The following GPD2 variants were observed in gnomAD, a reference collection of about 807,000 sequenced individuals.
GPD2 encodes glycerol-3-phosphate dehydrogenase, mitochondrial.
Under a neutral mutation model 82.4 loss-of-function variants are expected in GPD2, and 54 were observed. The observed-to-expected ratio is 0.66, with a 90% CI of 0.53 to 0.82. The LOEUF is 0.82. Ranked by LOEUF, GPD2 falls within the 40% of genes least tolerant of loss-of-function variation. GPD2 has a pLI of 0.00. For synonymous variants in GPD2, 288 were observed against 306.1 expected (o/e 0.94, Z 0.62); for missense variants, 748 against 896.2 (o/e 0.83, Z 2.11).
At chr2:156,500,679 C>T (rs1452540877) in intron 3 of GPD2, among the ~76,000 whole-genome samples, 1 of 152,092 alleles carries the variant, frequency 6.6e-6, no homozygotes, top group Non-Finnish European at 1.5e-5. Context: ...TTTGCATGAG[C>T]TTTTTGATAA....
intron 1 of GPD2, among the ~76,000 whole-genome samples, chr2:156,463,749 A>G (rs1683064991): frequency 6.6e-6 from 1 of 152,292 alleles, no homozygotes; most frequent in East Asian, 1.9e-4. Context: ...AGAATTATAT[A>G]TTTTTGGGAA....
the GPD2 span, among the ~76,000 whole-genome samples, chr2:156,400,428 C>T: frequency 6.6e-6 from 1 of 152,206 alleles, no homozygotes; most frequent in Non-Finnish European, 1.5e-5. Flanking sequence ...GCGCAATAAG[C>T]CTGGGGAGGT....
chr2:156,576,301 T>A lies in GPD2; in HGVS notation c.1768-2588T>A, dbSNP rs540652674. Reference sequence around the variant, plus strand: ...AGATCTCTGTTGCAGTGTTGTATTTTGTTCTGATAATTGTATTGTATGACA... The same window carrying A: ...AGATCTCTGTTGCAGTGTTGTATTTAGTTCTGATAATTGTATTGTATGACA... On this transcript the variant is annotated intron_variant, in intron 13 of 16. Coordinates refer to ENST00000438166, the MANE Select transcript of GPD2 (RefSeq NM_000408.5). 1.4e-4 allele frequency among the ~76,000 whole-genome samples: 21 copies of A among 152,340 alleles called. 1 individual carries two copies. In the East Asian group the frequency reaches 3.9e-3, roughly 28 times the overall value.
At chr2:156,420,232 C>A in the GPD2 span, among the ~76,000 whole-genome samples, 1 of 151,902 alleles carries the variant, frequency 6.6e-6, no homozygotes, top group African/African-American at 2.4e-5. Context: ...AATGCAGTGG[C>A]GTGATCTCGG....
chr2:156,489,178 C>G (rs1357846147), intron 2 of GPD2, among the ~76,000 whole-genome samples: 3 of 152,192 alleles, frequency 2.0e-5, no homozygotes, highest in Non-Finnish European at 4.4e-5. Context: ...GAATCCTGGA[C>G]TAACAAGAGT....
chr2:156,557,571 G>C lies in GPD2; in HGVS notation c.1154G>C (p.Cys385Ser). Residue 385 changes from cysteine to serine, a missense_variant, in exon 9 of 17, where the codon TGT becomes TCT. By Grantham distance (112) the Cys-to-Ser change is moderately radical. This residue lies in a region of GPD2 where 692 missense variants were observed against 809.7 expected (regional missense o/e 0.85). Coordinates refer to ENST00000438166, the MANE Select transcript of GPD2 (RefSeq NM_000408.5). Reference sequence around the variant, plus strand: ...AATGAAGTGCGTAATTACCTGAGTTGTGATGTTGAAGGTAACTAAGCATTC... The same window carrying C: ...AATGAAGTGCGTAATTACCTGAGTTCTGATGTTGAAGGTAACTAAGCATTC... Reference protein sequence around the residue: ...ILNEVRNYLSCDVEVRRGDVL... With the variant: ...ILNEVRNYLSSDVEVRRGDVL... 1.3e-6 allele frequency: 2 copies of C among 1,573,094 alleles called. No homozygotes were observed. Among genetic ancestry groups the C allele is most frequent in the Non-Finnish European group, 1.8e-6 (2 of 1,142,614 alleles).
intron 1 of GPD2, among the ~76,000 whole-genome samples, chr2:156,458,784 C>CTCT (rs1682875380): frequency 6.6e-6 from 1 of 152,004 alleles, no homozygotes; most frequent in African/African-American, 2.4e-5. Context: ...AGGTCTCTTT[C>CTCT]TCTTATATGC....
At chr2:156,513,927 A>G (rs1685099731) in intron 6 of GPD2, among the ~76,000 whole-genome samples, 1 of 152,196 alleles carries the variant, frequency 6.6e-6, no homozygotes, top group Non-Finnish European at 1.5e-5. Context: ...ACCTAGGGGG[A>G]AAAATGCCCT....
chr2:156,470,464 G>T (rs1006510560), intron 1 of GPD2, among the ~76,000 whole-genome samples: 3 of 152,114 alleles, frequency 2.0e-5, no homozygotes, highest in Admixed American at 1.3e-4. Flanking sequence ...CTCCCAAATT[G>T]CTGGGATTAC....
At chr2:156,540,865 A>G (rs186708697) in intron 6 of GPD2, among the ~76,000 whole-genome samples, 7 of 152,352 alleles carry the variant, frequency 4.6e-5, no homozygotes, top group African/African-American at 1.4e-4. Context: ...TGCAGAGATT[A>G]GAGGTTAGTT....
At chr2:156,504,209 T>A (rs1188757644) in intron 3 of GPD2, among the ~76,000 whole-genome samples, 2 of 152,140 alleles carry the variant, frequency 1.3e-5, no homozygotes. Context: ...TGTATCGTGA[T>A]CGTGAGGATT....
chr2:156,531,114 T>G lies in GPD2; in HGVS notation c.661+17618T>G, dbSNP rs138368196. Among the ~76,000 whole-genome samples, 32 of 152,362 alleles carry G rather than the reference T, an allele frequency of 2.1e-4. No homozygotes were observed. In the East Asian group the frequency reaches 5.6e-3, roughly 27 times the overall value. ...ATCTAGATGCGATTAAACACTTCAC[T>G]CACTGAAGTTTAATTATTTTAATTT... On this transcript the variant is annotated intron_variant, in intron 6 of 16. Coordinates refer to ENST00000438166, the MANE Select transcript of GPD2 (RefSeq NM_000408.5).
At chr2:156,574,982 A>G (rs1687765363) in intron 13 of GPD2, among the ~76,000 whole-genome samples, 1 of 152,216 alleles carries the variant, frequency 6.6e-6, no homozygotes, top group Non-Finnish European at 1.5e-5. Flanking sequence ...TTATGTGTGA[A>G]AAGAGCAAAA....
the GPD2 span, among the ~76,000 whole-genome samples, chr2:156,419,094 T>C: frequency 6.8e-6 from 1 of 146,512 alleles, no homozygotes; most frequent in African/African-American, 2.5e-5. Flanking sequence ...AGTTTCACTC[T>C]TGTTGCCCAG....
At chr2:156,578,851 C>A (rs765010002) in intron 13 of GPD2, 38 bp from the exon 14 acceptor site, 1 of 1,156,726 alleles carries the variant, frequency 8.6e-7, no homozygotes, top group South Asian at 1.2e-5. Flanking sequence ...ATCAATATTT[C>A]CATGTGTCTT....
At chr2:156,489,704 CT>C in intron 2 of GPD2, among the ~76,000 whole-genome samples, 4 of 116,338 alleles carry the variant, frequency 3.4e-5, no homozygotes, top group African/African-American at 1.0e-4. Flanking sequence ...TCCTTCCTTC[CT>C]TCCTTCCTTC....
In GPD2 at chr2:156,565,357, C is replaced by T. The variant is rs369478873; in HGVS notation, c.1166-3468C>T. On this transcript the variant is annotated intron_variant, in intron 9 of 16. Coordinates refer to ENST00000438166, the MANE Select transcript of GPD2 (RefSeq NM_000408.5). The stretch of plus-strand genomic sequence containing the variant: ...AATTTCCTAGTTAGGTTTTTGGTAA[C>T]GATTAAAACACTTTTTACAACTTGT... Among the ~76,000 whole-genome samples the T allele has an allele frequency of 1.2e-3, 175 of 152,104 alleles. 2 individuals are homozygous for T. The South Asian group carries it at 0.032, about 28-fold the overall frequency.
At chr2:156,515,372 C>CAA (rs397748423) in intron 6 of GPD2, among the ~76,000 whole-genome samples, 5 of 134,074 alleles carry the variant, frequency 3.7e-5, no homozygotes, top group African/African-American at 5.6e-5. Context: ...GACCCTATTT[C>CAA]AAAAAAAAAA....
At chr2:156,509,018 T>G (rs996881453) in intron 3 of GPD2, among the ~76,000 whole-genome samples, 1 of 152,214 alleles carries the variant, frequency 6.6e-6, no homozygotes. Flanking sequence ...ATTTTGGCTC[T>G]CAATATTCTT....
Sources: allele counts gnomAD v4.1 joint callset (sites outside exome capture counted in the v4.1 genomes callset), GRCh38; gene constraint gnomAD v4.1.1; regional missense constraint gnomAD v4.1.1; transcripts MANE v1.5; gene names NCBI Gene and HGNC (gene_info 2026-07-23, HGNC 2026-07-21).